The following DAPK2 variants were observed in gnomAD, a reference collection of about 807,000 sequenced individuals.
DAPK2 encodes the protein death-associated protein kinase 2.
A neutral mutation model predicts 44.1 loss-of-function variants in DAPK2; 35 were observed. The ratio of observed to expected loss-of-function variants is 0.79; its 90% CI spans 0.61 to 1.05. The LOEUF is 1.05. Among genes scored for constraint, DAPK2 ranks in the 50% least tolerant of loss-of-function variants. DAPK2 has a pLI of 0.00. For missense variants in DAPK2, 453 were observed against 483.2 expected, an observed-to-expected ratio of 0.94 and a Z score of 0.59; for synonymous variants, 174 against 182.6, an observed-to-expected ratio of 0.95 and a Z score of 0.38.
At chr15:63,933,690 C>G (rs1260203837) in intron 4 of DAPK2, among the ~76,000 whole-genome samples, 1 of 151,386 alleles carries the variant, frequency 6.6e-6, no homozygotes, top group East Asian at 1.9e-4. Context: ...ACTCAACCCC[C>G]TAGGGTTAAG....
At chr15:64,002,373 T>C (rs1253030214) in intron 1 of DAPK2, among the ~76,000 whole-genome samples, 1 of 152,242 alleles carries the variant, frequency 6.6e-6, no homozygotes, top group Non-Finnish European at 1.5e-5. Flanking sequence ...ACAATATATG[T>C]CCTTCAATAA....
At chr15:63,989,200 A>AG in intron 1 of DAPK2, among the ~76,000 whole-genome samples, 1 of 151,468 alleles carries the variant, frequency 6.6e-6, no homozygotes, top group East Asian at 1.9e-4. Context: ...AAAAAAAAAA[A>AG]AAAAAAAAAA....
At chr15:63,942,378 C>A (rs1271504577) in intron 3 of DAPK2, 2 of 215,756 alleles carry the variant, frequency 9.3e-6, no homozygotes, top group Admixed American at 1.3e-4. Context: ...ATGGTGAAAC[C>A]CCATCTCTAC....
intron 3 of DAPK2, among the ~76,000 whole-genome samples, chr15:63,961,281 G>A (rs1567234129): frequency 6.6e-6 from 1 of 152,130 alleles, no homozygotes; most frequent in Non-Finnish European, 1.5e-5. Flanking sequence ...ACACTGATGG[G>A]TCTTGACTCT....
intron 4 of DAPK2, chr15:63,935,412 T>C (rs2077115176): frequency 6.6e-6 from 1 of 152,180 alleles, no homozygotes; most frequent in African/African-American, 2.4e-5. Flanking sequence ...ATATATTTTT[T>C]CTGGGCACAC....
chr15:64,036,340 T>TATATATATAC lies in DAPK2; in HGVS notation c.92+3829_92+3830insGTATATATAT, dbSNP rs1555484605. 2.1e-4 allele frequency among the ~76,000 whole-genome samples: 25 copies of TATATATATAC among 119,714 alleles called. 1 individual carries two copies. Among genetic ancestry groups the TATATATATAC allele is most frequent in the Non-Finnish European group, 3.0e-4 (17 of 56,638 alleles). The allele number at this position is 119,714 out of a possible 152,430, so 78.5% of individuals were successfully genotyped here. On this transcript the variant is annotated intron_variant, in intron 1 of 10. Coordinates refer to ENST00000261891, the Ensembl canonical transcript of DAPK2. ...ATATGTATATATATATATATATACA[T>TATATATATAC]ATATATATATATATTTTAGTTAAGG...
At chr15:64,046,452 C>G (rs1288117766), upstream of DAPK2, 1 of 206,898 alleles carries the variant, frequency 4.8e-6, no homozygotes, top group South Asian at 1.8e-4. This position sits in a 1 kb window ranked among gnomAD's most constrained non-coding sequence, Gnocchi z 5.3. Context: ...CCAGAGCGCC[C>G]GGCACCCGCC....
intron 1 of DAPK2, among the ~76,000 whole-genome samples, chr15:64,032,386 G>C (rs1001632675): frequency 4.6e-5 from 7 of 152,306 alleles, no homozygotes; most frequent in Admixed American, 2.0e-4. Context: ...TATACGTTTT[G>C]TGGGCCTCTG....
In DAPK2 at chr15:63,939,282, A is replaced by G; in HGVS notation, c.533T>C (p.Ile178Thr). ...ATTCTTAAATTCAACTCCATCTTCT[A>G]TTTCGTGAGCCAGACCAAAGTCAAT... is the stretch of plus-strand genomic sequence containing the variant. Residue 178 changes from isoleucine to threonine, a missense_variant, in exon 4 of 11, where the codon ATA becomes ACA. By Grantham distance (89) the Ile-to-Thr change is moderately conservative (BLOSUM62 -1). Transcript: ENST00000261891. The surrounding 1 kb of genome is among the most constrained non-coding windows in gnomAD (Gnocchi z 4.3). The G allele has an allele frequency of 6.2e-7, 1 of 1,613,792 alleles. No homozygotes were observed. The highest frequency in any genetic ancestry group is 8.5e-7 in the Non-Finnish European group (1 of 1,179,990).
chr15:63,947,554 T>C (rs1343942030), intron 3 of DAPK2, among the ~76,000 whole-genome samples: 1 of 152,204 alleles, frequency 6.6e-6, no homozygotes, highest in Non-Finnish European at 1.5e-5. Flanking sequence ...AGCTCTGCCA[T>C]TTATCAGCAG....
chr15:63,949,829 A>G (rs1361511309), intron 3 of DAPK2, among the ~76,000 whole-genome samples: 1 of 152,208 alleles, frequency 6.6e-6, no homozygotes, highest in Non-Finnish European at 1.5e-5. Context: ...TGGGTCCCTC[A>G]CTTGCAAAAT....
At chr15:64,008,968 A>T (rs74021229) in intron 1 of DAPK2, among the ~76,000 whole-genome samples, 1,584 of 151,844 alleles carry the variant, frequency 0.01, 21 homozygotes, top group African/African-American at 0.036. Context: ...CAAACATAAG[A>T]CCTCTTTGTT....
chr15:63,933,043 T>G (rs1188529103), intron 4 of DAPK2, among the ~76,000 whole-genome samples: 4 of 152,190 alleles, frequency 2.6e-5, no homozygotes, highest in Non-Finnish European at 4.4e-5. Context: ...TTTTTGCATG[T>G]GTTTCCTAAT....
At chr15:64,018,310 G>A (rs1270525454) in intron 1 of DAPK2, among the ~76,000 whole-genome samples, 1 of 152,176 alleles carries the variant, frequency 6.6e-6, no homozygotes, top group Non-Finnish European at 1.5e-5. Context: ...TGTGAGGACA[G>A]GACCTGTGAG....
intron 1 of DAPK2, among the ~76,000 whole-genome samples, chr15:64,038,556 G>T (rs2080271479): frequency 6.6e-6 from 1 of 152,158 alleles, no homozygotes; most frequent in Non-Finnish European, 1.5e-5. Flanking sequence ...GGTCTCTGCA[G>T]TTATTTGCTC....
intron 1 of DAPK2, among the ~76,000 whole-genome samples, chr15:64,002,420 T>C (rs1479614823): frequency 1.3e-5 from 2 of 152,242 alleles, no homozygotes; most frequent in African/African-American, 4.8e-5. Context: ...TTAAAGGTTT[T>C]AACAGTTTCT....
chr15:63,950,358 G>A (rs1489972091), intron 3 of DAPK2, among the ~76,000 whole-genome samples: 1 of 151,958 alleles, frequency 6.6e-6, no homozygotes, highest in Non-Finnish European at 1.5e-5. Flanking sequence ...TGGGCCTACA[G>A]GCATGTACCA....
chr15:64,025,356 C>G (rs2079808622), intron 1 of DAPK2, among the ~76,000 whole-genome samples: 1 of 152,184 alleles, frequency 6.6e-6, no homozygotes, highest in East Asian at 1.9e-4. Flanking sequence ...CACTCGATCC[C>G]CAACATCCAG....
intron 3 of DAPK2, among the ~76,000 whole-genome samples, chr15:63,958,536 T>C (rs1039628398): frequency 6.6e-6 from 1 of 152,188 alleles, no homozygotes; most frequent in African/African-American, 2.4e-5. Flanking sequence ...TTGTATAAGG[T>C]GTAAGGAAGG....
Sources: allele counts gnomAD v4.1 joint callset (sites outside exome capture counted in the v4.1 genomes callset), GRCh38; gene constraint gnomAD v4.1.1; non-coding constraint Gnocchi (gnomAD v3.1); transcripts MANE v1.5; gene names NCBI Gene and HGNC (gene_info 2026-07-23, HGNC 2026-07-21).